Variants in TMEM116 observed in about 807,000 individuals in gnomAD.
The protein encoded by TMEM116 is transmembrane protein 116.
A neutral mutation model predicts 44.3 loss-of-function variants in TMEM116; 38 were observed. The ratio of observed to expected loss-of-function variants is 0.86; its 90% CI spans 0.66 to 1.12. The LOEUF (loss-of-function observed/expected upper bound fraction) is 1.12, where lower values mean the gene tolerates loss of function less well. Among genes scored for constraint, TMEM116 ranks in the 50% most tolerant of loss-of-function variants. TMEM116 has a pLI of 0.00. For synonymous variants in TMEM116, 132 were observed against 144.8 expected (o/e 0.91, Z 0.64); for missense variants, 354 against 401.7 (o/e 0.88, Z 1.01).
At chr12:111,938,111 C>T (rs1213957362) in intron 6 of TMEM116, 50 bp downstream of exon 6, 3 of 1,313,776 alleles carry the variant, frequency 2.3e-6, no homozygotes, top group Non-Finnish European at 3.2e-6. Context: ...ACCTGAACAC[C>T]AGAATAATGA....
At chr12:111,932,512 A>C in intron 10 of TMEM116, 74 bp downstream of exon 10, 1 of 1,256,920 alleles carries the variant, frequency 8.0e-7, no homozygotes, top group South Asian at 1.2e-5. Flanking sequence ...AATCATCCTT[A>C]CCGAGTAAAG....
intron 6 of TMEM116, among the ~76,000 whole-genome samples, chr12:111,937,444 G>A (rs1593273651): frequency 6.6e-6 from 1 of 152,152 alleles, no homozygotes; most frequent in Non-Finnish European, 1.5e-5. Flanking sequence ...CAATGCAGTA[G>A]GGAATTAATT....
At chr12:112,002,287 C>G (rs1251030998) in intron 3 of TMEM116, among the ~76,000 whole-genome samples, 1 of 151,178 alleles carries the variant, frequency 6.6e-6, no homozygotes, top group African/African-American at 2.4e-5. Context: ...ATGGTGAAAC[C>G]CTGGCTGAGG....
At position 111,987,454 on chromosome 12, in the gene TMEM116, G is replaced by A. The variant is rs1010987842; in HGVS notation, c.210+4304C>T. On this transcript the variant is annotated intron_variant, in intron 4 of 10. Coordinates refer to ENST00000552374, the MANE Select transcript of TMEM116 (RefSeq NM_001193531.2). ...CGGGAGGTGGAGGTTGCAGTGAGCC[G>A]AGATAGCGCCACTGCACTCCAGCCT... Among the ~76,000 whole-genome samples, 90 of 150,116 alleles carry A rather than the reference G, an allele frequency of 6.0e-4. 4 individuals carry two copies. Among genetic ancestry groups the A allele is most frequent in the Non-Finnish European group, 5.9e-5 (4 of 67,604 alleles).
intron 6 of TMEM116, among the ~76,000 whole-genome samples, chr12:111,937,450 T>A (rs748747422): frequency 2.0e-5 from 3 of 152,222 alleles, no homozygotes; most frequent in Non-Finnish European, 4.4e-5. Flanking sequence ...AGTAGGGAAT[T>A]AATTTTATAC....
chr12:111,947,504 T>A (rs1184515080), intron 4 of TMEM116, among the ~76,000 whole-genome samples: 1 of 152,216 alleles, frequency 6.6e-6, no homozygotes, highest in Admixed American at 6.5e-5. Context: ...TTTATGGGTA[T>A]GTTATTGATA....
chr12:111,975,207 C>T (rs940558282), intron 4 of TMEM116, among the ~76,000 whole-genome samples: 5 of 152,212 alleles, frequency 3.3e-5, no homozygotes, highest in Admixed American at 6.5e-5. Context: ...TGCAGTGGCA[C>T]GATCAGGGTT....
At position 111,931,801 on chromosome 12, in the gene TMEM116, T is replaced by C. The variant is rs369338579; in HGVS notation, c.834A>G (p.Leu278=). ...TCCAGCCATATACTCCACAGTTGAG[T>C]AGACCCTGAGATGTTGCCGTTAGAG... The part of the protein sequence containing the change: ...LQALTATSQG[L]LNCGVYGWTQ... Residue 278 remains leucine (L), a synonymous_variant, in exon 11 of 11, where the codon CTA becomes CTG. Coordinates refer to ENST00000552374, the MANE Select transcript of TMEM116 (RefSeq NM_001193531.2). 40 of 1,555,122 alleles carry C rather than the reference T, an allele frequency of 2.6e-5. No individual in the cohort carries two copies. In the Admixed American group the frequency reaches 6.8e-4, roughly 26 times the overall value.
intron 10 of TMEM116, 80 bp downstream of exon 10, chr12:111,932,506 A>G (rs1037810317): frequency 4.6e-5 from 55 of 1,203,580 alleles, no homozygotes; most frequent in Non-Finnish European, 6.0e-5. Context: ...GGAAAAAATC[A>G]TCCTTACCGA....
chr12:112,008,860 A>T (rs543808980), intron 1 of TMEM116, among the ~76,000 whole-genome samples: 6 of 151,966 alleles, frequency 3.9e-5, no homozygotes, highest in African/African-American at 1.4e-4. Context: ...CTGTAATGCC[A>T]GCTATTCAGG....
intron 9 of TMEM116, among the ~76,000 whole-genome samples, chr12:111,933,655 ATT>A (rs141043717): frequency 9.9e-5 from 14 of 141,816 alleles, no homozygotes; most frequent in Middle Eastern, 7.5e-3. Context: ...CGCCCGGCTA[ATT>A]TTTTTTTTTT....
chr12:111,945,903 A>G (rs2073235971), intron 4 of TMEM116, among the ~76,000 whole-genome samples: 1 of 152,218 alleles, frequency 6.6e-6, no homozygotes, highest in African/African-American at 2.4e-5. Flanking sequence ...AGTATTCAAT[A>G]AATTAAATGA....
At chr12:111,942,738 T>C (rs1565878490) in intron 5 of TMEM116, among the ~76,000 whole-genome samples, 1 of 151,978 alleles carries the variant, frequency 6.6e-6, no homozygotes, top group African/African-American at 2.4e-5. Context: ...GCACTGTAAA[T>C]AATACTCCTA....
At chr12:112,011,841 G>A (rs932253282) in intron 1 of TMEM116, 2 of 152,226 alleles carry the variant, frequency 1.3e-5, no homozygotes, top group Admixed American at 1.3e-4. Context: ...TGGGACCACA[G>A]GCATGCACTA....
chr12:111,998,430 A>G (rs967243627), intron 3 of TMEM116, among the ~76,000 whole-genome samples: 3 of 152,226 alleles, frequency 2.0e-5, no homozygotes, highest in African/African-American at 7.2e-5. Context: ...ATGATCCAAT[A>G]TGTATAATCA....
At chr12:111,965,687 G>A (rs1480406121) in intron 4 of TMEM116, 1 of 388,992 alleles carries the variant, frequency 2.6e-6, no homozygotes, top group Admixed American at 3.0e-5. Context: ...CACTTTGGGA[G>A]GCCCAAGCGG....
At chr12:111,942,422 G>C (rs941951084) in intron 5 of TMEM116, among the ~76,000 whole-genome samples, 10 of 152,012 alleles carry the variant, frequency 6.6e-5, no homozygotes, top group East Asian at 5.8e-4. Flanking sequence ...ACAGGCGCCC[G>C]CCACCACGTC....
intron 4 of TMEM116, among the ~76,000 whole-genome samples, chr12:111,957,273 G>A (rs1355921880): frequency 4.0e-5 from 6 of 151,396 alleles, no homozygotes; most frequent in African/African-American, 4.9e-5. Context: ...GCCTCTGCCC[G>A]GCCATGATCC....
intron 4 of TMEM116, among the ~76,000 whole-genome samples, chr12:111,954,531 C>A (rs949504567): frequency 4.6e-5 from 7 of 152,182 alleles, no homozygotes; most frequent in African/African-American, 1.4e-4. Context: ...CTCTTAAGAA[C>A]CTTGTCATTA....
Sources: gnomAD v4.1 joint callset for allele counts (sites outside exome capture counted in the v4.1 genomes callset) on GRCh38, gnomAD v4.1.1 for gene constraint, MANE v1.5 for transcripts, NCBI Gene and HGNC (gene_info 2026-07-23, HGNC 2026-07-21) for gene names.